The following ZNF536 variants were observed in gnomAD, a reference collection of about 807,000 sequenced individuals.
ZNF536 encodes zinc finger protein 536.
Under a neutral mutation model 84.5 loss-of-function variants are expected in ZNF536, and 13 were observed. The ratio of observed to expected loss-of-function variants is 0.15; its 90% CI spans 0.10 to 0.24. ZNF536 has a LOEUF of 0.24. Ranked by LOEUF, ZNF536 falls within the 10% of genes least tolerant of loss-of-function variation. ZNF536 has a pLI of 1.00. For synonymous variants in ZNF536, 811 were observed against 742.5 expected (o/e 1.09, Z -1.50); for missense variants, 1,536 against 1,747.5 (o/e 0.88, Z 2.16).
At chr19:30,269,421 G>T (rs1039444761) in intron 1 of ZNF536, among the ~76,000 whole-genome samples, 3 of 152,092 alleles carry the variant, frequency 2.0e-5, no homozygotes, top group East Asian at 3.9e-4. Context: ...AGGCAGGGAG[G>T]GGGAGAGAAT....
intron 1 of ZNF536, among the ~76,000 whole-genome samples, chr19:30,278,545 A>G (rs1041063249): frequency 1.3e-5 from 2 of 152,156 alleles, no homozygotes; most frequent in African/African-American, 4.8e-5. Flanking sequence ...CCAAGATGTC[A>G]GGGCATCAGA....
At chr19:30,697,760 T>C (rs1164742706) in intron 1 of ZNF536, among the ~76,000 whole-genome samples, 3 of 152,196 alleles carry the variant, frequency 2.0e-5, no homozygotes, top group African/African-American at 7.2e-5. Context: ...AAATCTGCTC[T>C]GCTGCCTTCC....
chr19:30,577,544 G>A (rs745657361), intron 1 of ZNF536, among the ~76,000 whole-genome samples: 11 of 151,984 alleles, frequency 7.2e-5, no homozygotes, highest in South Asian at 2.1e-4. Flanking sequence ...GATTTAAAGC[G>A]CGTTTTTAGA....
intron 1 of ZNF536, among the ~76,000 whole-genome samples, chr19:30,642,805 T>G (rs956121449): frequency 3.3e-5 from 5 of 152,150 alleles, no homozygotes; most frequent in African/African-American, 1.2e-4. Context: ...GTGCCTTCTT[T>G]GAGTGGATCA....
At chr19:30,313,737 T>C (rs1192091496) in intron 2 of ZNF536, among the ~76,000 whole-genome samples, 1 of 152,176 alleles carries the variant, frequency 6.6e-6, no homozygotes, top group Non-Finnish European at 1.5e-5. Context: ...GAGTGGCCTC[T>C]GGGGGTCCTC....
In ZNF536 at chr19:30,557,308, A is replaced by G; in HGVS notation, c.*144A>G. Reference sequence around the variant, plus strand: ...TTGAATAATTACTATTGGCATAGGTATGTGTATACACACGGTGCACCAATC... The same window carrying G: ...TTGAATAATTACTATTGGCATAGGTGTGTGTATACACACGGTGCACCAATC... On this transcript the variant is annotated 3_prime_UTR_variant, in exon 5 of 5. Coordinates refer to ENST00000355537, the MANE Select transcript of ZNF536 (RefSeq NM_014717.3). The G allele has an allele frequency of 1.1e-6, 1 of 913,238 alleles. No homozygotes were observed. Among genetic ancestry groups the G allele is most frequent in the Non-Finnish European group, 1.8e-6 (1 of 566,444 alleles). The allele number at this position is 913,238 out of a possible 1,614,324, so 56.6% of individuals were successfully genotyped here.
chr19:30,456,594 C>T (rs559665670), intron 2 of ZNF536, among the ~76,000 whole-genome samples: 1 of 152,234 alleles, frequency 6.6e-6, no homozygotes, highest in Admixed American at 6.5e-5. Context: ...TAGGTAGTTC[C>T]CTATCACCAC....
chr19:30,700,236 C>T (rs1156714611), intron 1 of ZNF536, among the ~76,000 whole-genome samples: 2 of 119,464 alleles, frequency 1.7e-5, no homozygotes, highest in South Asian at 3.0e-4. Context: ...TTCTTTCTTT[C>T]TTTCTCTCTC....
rs568684185 is a variant in ZNF536 at position 30,608,996 on chromosome 19, C to T, written c.169+59482C>T. Among the ~76,000 whole-genome samples the T allele has an allele frequency of 4.6e-5, 7 of 152,286 alleles. No homozygotes were observed. The South Asian group carries it at 6.2e-4, about 14-fold the overall frequency. On this transcript the variant is annotated intron_variant, in intron 1 of 1. Transcript: ENST00000592773. ...AGTCCAGGTGACAAAAGGGCCCATA[C>T]GTGTCTCTCTCATCTTGGCTTGTTC... is the stretch of plus-strand genomic sequence containing the variant.
chr19:30,312,441 T>C (rs1197613170), intron 2 of ZNF536, among the ~76,000 whole-genome samples: 2 of 152,210 alleles, frequency 1.3e-5, no homozygotes, highest in Non-Finnish European at 2.9e-5. Flanking sequence ...ATGCTCACAT[T>C]TGGCTTCCAA....
At chr19:30,376,642 C>T (rs1357515842) in intron 1 of ZNF536, among the ~76,000 whole-genome samples, 1 of 152,140 alleles carries the variant, frequency 6.6e-6, no homozygotes, top group Non-Finnish European at 1.5e-5. Context: ...TGTCAGTGAG[C>T]TCAGGGCCTT....
intron 2 of ZNF536, among the ~76,000 whole-genome samples, chr19:30,473,627 C>T (rs2053730670): frequency 6.6e-6 from 1 of 152,216 alleles, no homozygotes; most frequent in Non-Finnish European, 1.5e-5. Flanking sequence ...GGCCTTTACA[C>T]ATGCAATTTG....
intron 3 of ZNF536, among the ~76,000 whole-genome samples, chr19:30,546,931 G>A (rs1028032202): frequency 6.6e-6 from 1 of 152,082 alleles, no homozygotes; most frequent in Non-Finnish European, 1.5e-5. Flanking sequence ...GCAAATGTAA[G>A]TTGTCTCTTC....
At chr19:30,602,294 A>G (rs2047716399) in intron 1 of ZNF536, among the ~76,000 whole-genome samples, 2 of 152,198 alleles carry the variant, frequency 1.3e-5, no homozygotes, top group African/African-American at 4.8e-5. Context: ...TCTTCTTTCA[A>G]CAAGGCTTTA....
At chr19:30,395,425 T>C (rs979212199) in intron 1 of ZNF536, among the ~76,000 whole-genome samples, 1 of 152,332 alleles carries the variant, frequency 6.6e-6, no homozygotes, top group East Asian at 1.9e-4. Flanking sequence ...CTGGTGGATG[T>C]AGAATGCTGG....
intron 2 of ZNF536, among the ~76,000 whole-genome samples, chr19:30,309,342 A>G (rs1381794756): frequency 6.6e-6 from 1 of 152,046 alleles, no homozygotes; most frequent in Non-Finnish European, 1.5e-5. Context: ...GCCAGTGTGG[A>G]CTCGCTTCTA....
At chr19:30,424,467 G>T (rs775780060) in intron 1 of ZNF536, among the ~76,000 whole-genome samples, 8 of 152,184 alleles carry the variant, frequency 5.3e-5, no homozygotes, top group Non-Finnish European at 8.8e-5. Context: ...CTGAGCACAG[G>T]TAACACAGTC....
intron 3 of ZNF536, among the ~76,000 whole-genome samples, chr19:30,538,299 A>G (rs1333558958): frequency 1.3e-5 from 2 of 152,224 alleles, no homozygotes; most frequent in East Asian, 1.9e-4. Flanking sequence ...ATGGACCCAT[A>G]TGAGCACATT....
chr19:30,281,016 G>A (rs2045424063), intron 1 of ZNF536, among the ~76,000 whole-genome samples: 1 of 152,120 alleles, frequency 6.6e-6, no homozygotes, highest in Non-Finnish European at 1.5e-5. Context: ...GGGGTGTGTG[G>A]ACTTGGGGTA....
Sources: allele counts gnomAD v4.1 joint callset (sites outside exome capture counted in the v4.1 genomes callset), GRCh38; gene constraint gnomAD v4.1.1; transcripts MANE v1.5; gene names NCBI Gene and HGNC (gene_info 2026-07-23, HGNC 2026-07-21).